The following ZSWIM5 variants were observed in gnomAD, a reference collection of about 807,000 sequenced individuals.
ZSWIM5 encodes zinc finger SWIM-type containing 5, also known as zinc finger SWIM domain-containing protein 5.
A neutral mutation model predicts 119.6 loss-of-function variants in ZSWIM5; 55 were observed. The observed-to-expected ratio is 0.46, with a 90% CI of 0.37 to 0.58. ZSWIM5 has a LOEUF of 0.58. ZSWIM5 is among the 20% of genes least tolerant of loss of function. The pLI, the probability that ZSWIM5 is intolerant of heterozygous loss-of-function variation, is 0.00. For missense variants in ZSWIM5, 1,193 were observed against 1,512.8 expected (o/e 0.79, Z 3.51); for synonymous variants, 537 against 606.9 (o/e 0.88, Z 1.69).
intron 1 of ZSWIM5, among the ~76,000 whole-genome samples, chr1:45,204,666 TTG>T (rs553929447): frequency 3.5e-4 from 53 of 152,324 alleles, no homozygotes; most frequent in African/African-American, 1.0e-3. Context: ...TGTCTGGGGT[TTG>T]TGTCTTTCTG....
intron 3 of ZSWIM5, 46 bp downstream of exon 3, chr1:45,060,053 G>A (rs755230804): frequency 1.2e-5 from 19 of 1,608,138 alleles, no homozygotes; most frequent in African/African-American, 2.7e-5. Context: ...TCTGACTTAA[G>A]CTTCTTTTGT....
chr1:45,200,800 T>C (rs1646153914), intron 1 of ZSWIM5, among the ~76,000 whole-genome samples: 1 of 152,248 alleles, frequency 6.6e-6, no homozygotes, highest in Non-Finnish European at 1.5e-5. Context: ...ACTTAAGCCA[T>C]ACTTAATGTA....
intron 6 of ZSWIM5, among the ~76,000 whole-genome samples, chr1:45,041,710 G>A (rs376780276): frequency 2.0e-5 from 3 of 152,004 alleles, no homozygotes; most frequent in East Asian, 3.9e-4. Context: ...ATAATTTCTA[G>A]TATTTTAAGT....
chr1:45,103,188 T>A (rs1645450680), intron 1 of ZSWIM5, among the ~76,000 whole-genome samples: 1 of 152,240 alleles, frequency 6.6e-6, no homozygotes, highest in Non-Finnish European at 1.5e-5. Flanking sequence ...TTGATATTTA[T>A]GCCTGTTATG....
intron 1 of ZSWIM5, among the ~76,000 whole-genome samples, chr1:45,138,123 A>G (rs1645700674): frequency 6.6e-6 from 1 of 152,176 alleles, no homozygotes; most frequent in South Asian, 2.1e-4. Context: ...ACAACATGGG[A>G]TTGAACAACA....
intron 6 of ZSWIM5, among the ~76,000 whole-genome samples, chr1:45,042,834 G>A (rs1361383595): frequency 6.6e-6 from 1 of 152,116 alleles, no homozygotes; most frequent in Non-Finnish European, 1.5e-5. Flanking sequence ...ACTAGCATAG[G>A]AGATTTTAAA....
chr1:45,078,362 C>A (rs1481483205), intron 2 of ZSWIM5, among the ~76,000 whole-genome samples: 2 of 152,156 alleles, frequency 1.3e-5, no homozygotes, highest in Non-Finnish European at 2.9e-5. Flanking sequence ...GTATTGTGAT[C>A]TAAGCTGTAT....
At chr1:45,020,171 A>G in intron 12 of ZSWIM5, 24 bp from the exon 13 acceptor site, 2 of 1,606,742 alleles carry the variant, frequency 1.2e-6, no homozygotes, top group Non-Finnish European at 1.7e-6. Flanking sequence ...AGGCCTTTCC[A>G]GTGGGCTATG....
Position 45,043,437 on chromosome 1 carries a change from T to A in ZSWIM5, c.1433-42A>T, listed in dbSNP as rs970785648. On this transcript the variant is annotated intron_variant, in intron 5 of 13. Coordinates refer to ENST00000359600, the MANE Select transcript of ZSWIM5 (RefSeq NM_020883.2). Reference sequence around the variant, plus strand: ...ATGCAGCAGTACAGTGACAGGCAATTTGAAGTTTTAAGCCCTGGGTCTTCT... The same window carrying A: ...ATGCAGCAGTACAGTGACAGGCAATATGAAGTTTTAAGCCCTGGGTCTTCT... 3 of 1,601,612 alleles carry A rather than the reference T, an allele frequency of 1.9e-6. No homozygotes were observed. In the Admixed American group the frequency reaches 5.0e-5, roughly 27 times the overall value.
intron 1 of ZSWIM5, among the ~76,000 whole-genome samples, chr1:45,175,553 G>A (rs541327976): frequency 3.5e-4 from 53 of 151,954 alleles, no homozygotes; most frequent in African/African-American, 1.2e-3. Context: ...GGGCCCAAGC[G>A]ATCCTCCCAC....
intron 2 of ZSWIM5, among the ~76,000 whole-genome samples, chr1:45,081,238 GCTCCCTCTCCCTCTCCCT>G (rs72132650): frequency 6.2e-5 from 9 of 146,266 alleles, no homozygotes; most frequent in African/African-American, 1.5e-4. Flanking sequence ...TCTTTATCTA[GCTCCCTCTCCCTCTCCCT>G]CTCCCTCTCC....
intron 11 of ZSWIM5, among the ~76,000 whole-genome samples, chr1:45,022,139 ATTTTT>A (rs968576088): frequency 1.1e-4 from 6 of 53,684 alleles, no homozygotes; most frequent in Non-Finnish European, 2.9e-4. Flanking sequence ...ATTTTATTTT[ATTTTT>A]TTTTGAGACG....
intron 1 of ZSWIM5, among the ~76,000 whole-genome samples, chr1:45,149,792 A>G (rs1645785243): frequency 6.6e-6 from 1 of 152,250 alleles, no homozygotes; most frequent in African/African-American, 2.4e-5. Flanking sequence ...TTTATAAAAC[A>G]ATACTTTGTT....
In ZSWIM5 at chr1:45,041,435, T is replaced by C. The variant is rs578215445; in HGVS notation, c.1610-897A>G. Among the ~76,000 whole-genome samples the C allele has an allele frequency of 3.9e-5, 6 of 152,208 alleles. No individual in the cohort carries two copies. The South Asian group carries it at 1.0e-3, about 26-fold the overall frequency. Reference sequence around the variant, plus strand: ...TTCTTAAAGATAAAATTAAAAATTATAGAATTGCGGAAAATTTGAAAATAC... The same window carrying C: ...TTCTTAAAGATAAAATTAAAAATTACAGAATTGCGGAAAATTTGAAAATAC... On this transcript the variant is annotated intron_variant, in intron 6 of 13. Coordinates refer to ENST00000359600, the MANE Select transcript of ZSWIM5 (RefSeq NM_020883.2).
rs74070854 is a variant in ZSWIM5, at chr1:45,098,144, T to C, written c.596-9907A>G. ...ACACATATGCAGAAGTGCTGAGTCATAGAGGATCATGGAATGTTCAAAGAA... is the reference window on the plus strand; with the variant it reads ...ACACATATGCAGAAGTGCTGAGTCACAGAGGATCATGGAATGTTCAAAGAA... On this transcript the variant is annotated intron_variant, in intron 1 of 13. Coordinates refer to ENST00000359600, the MANE Select transcript of ZSWIM5 (RefSeq NM_020883.2). Among the ~76,000 whole-genome samples the C allele has an allele frequency of 4.7e-3, 716 of 152,172 alleles. 5 individuals carry two copies. The highest frequency in any genetic ancestry group is 0.015 in the African/African-American group (629 of 41,510).
chr1:45,098,262 G>C (rs1645416626), intron 1 of ZSWIM5, among the ~76,000 whole-genome samples: 1 of 152,174 alleles, frequency 6.6e-6, no homozygotes, highest in Non-Finnish European at 1.5e-5. Context: ...CTGCTCTGGG[G>C]TTTATCCTTG....
At chr1:45,023,714 T>C (rs796678737) in intron 11 of ZSWIM5, among the ~76,000 whole-genome samples, 5 of 152,290 alleles carry the variant, frequency 3.3e-5, no homozygotes, top group African/African-American at 1.2e-4. Flanking sequence ...TAATTTCAAA[T>C]AGGTTAAATA....
chr1:45,073,965 C>T (rs1173180997), intron 2 of ZSWIM5, among the ~76,000 whole-genome samples: 1 of 151,890 alleles, frequency 6.6e-6, no homozygotes, highest in African/African-American at 2.4e-5. Context: ...TTATCAAGTG[C>T]TTTTTCAGCA....
At chr1:45,142,409 T>C (rs1645732651) in intron 1 of ZSWIM5, among the ~76,000 whole-genome samples, 1 of 152,188 alleles carries the variant, frequency 6.6e-6, no homozygotes, top group Non-Finnish European at 1.5e-5. Flanking sequence ...TAGAGTACAG[T>C]GGCACAATCA....
Sources: allele counts gnomAD v4.1 joint callset (sites outside exome capture counted in the v4.1 genomes callset), GRCh38; gene constraint gnomAD v4.1.1; transcripts MANE v1.5; gene names NCBI Gene and HGNC (gene_info 2026-07-23, HGNC 2026-07-21).